CCSER1: variants seen among roughly 807,000 people sequenced by gnomAD.
CCSER1 encodes the protein coiled-coil serine rich protein 1.
CCSER1 carries 41 observed loss-of-function variants against 82.0 expected under a neutral mutation model. The ratio of observed to expected loss-of-function variants is 0.50; its 90% confidence interval spans 0.39 to 0.65. The LOEUF (loss-of-function observed/expected upper bound fraction) is 0.65. Ranked by LOEUF, CCSER1 falls within the 30% of genes least tolerant of loss-of-function variation. The probability of loss-of-function intolerance (pLI) is 0.00; values close to 1 mark genes in which losing one functional copy is unlikely to be tolerated. For synonymous variants in CCSER1, 414 were observed against 383.9 expected (o/e 1.08, Z -0.92); for missense variants, 1,119 against 1,064.2 (o/e 1.05, Z -0.72).
chr4:91,404,567 T>G (rs1429926087), intron 10 of CCSER1, among the ~76,000 whole-genome samples: 1 of 152,244 alleles, frequency 6.6e-6, no homozygotes, highest in East Asian at 1.9e-4. Flanking sequence ...CTGCTTTAAA[T>G]GTGTCCCAGA....
intron 5 of CCSER1, among the ~76,000 whole-genome samples, chr4:90,481,846 T>A (rs1028491484): frequency 3.9e-5 from 6 of 152,180 alleles, no homozygotes; most frequent in Non-Finnish European, 5.9e-5. Context: ...TTTTGTTGCA[T>A]CTCTGCCAGG....
chr4:91,474,697 C>T (rs979800703), intron 10 of CCSER1, among the ~76,000 whole-genome samples: 1 of 150,172 alleles, frequency 6.7e-6, no homozygotes, highest in Non-Finnish European at 1.5e-5. Flanking sequence ...CTTTTCTTCT[C>T]TCAGTCTTCT....
chr4:90,541,850 A>G (rs1302028132), intron 5 of CCSER1, among the ~76,000 whole-genome samples: 1 of 152,042 alleles, frequency 6.6e-6, no homozygotes, highest in African/African-American at 2.4e-5. Flanking sequence ...TACTGCCACA[A>G]ATTCTTTTCC....
At chr4:91,345,344 G>A (rs1747983636) in intron 10 of CCSER1, among the ~76,000 whole-genome samples, 1 of 152,038 alleles carries the variant, frequency 6.6e-6, no homozygotes, top group South Asian at 2.1e-4. Context: ...TCAAGATCCT[G>A]CCACTGCACT....
chr4:90,287,731 T>G (rs1172875552), intron 1 of CCSER1, among the ~76,000 whole-genome samples: 2 of 152,008 alleles, frequency 1.3e-5, no homozygotes, highest in Non-Finnish European at 2.9e-5. Context: ...AGAAATGAAT[T>G]TATTTTTAAA....
At chr4:91,078,218 G>A (rs1226261804) in intron 9 of CCSER1, among the ~76,000 whole-genome samples, 1 of 152,120 alleles carries the variant, frequency 6.6e-6, no homozygotes, top group African/African-American at 2.4e-5. Flanking sequence ...CACCTCATAA[G>A]GCTGGTTGCC....
intron 1 of CCSER1, among the ~76,000 whole-genome samples, chr4:90,202,796 T>A (rs1305620751): frequency 3.3e-5 from 5 of 152,240 alleles, no homozygotes; most frequent in Non-Finnish European, 5.9e-5. Flanking sequence ...TTCACTGAAA[T>A]TACTACCTTT....
At chr4:90,152,106 A>G (rs1726974695) in intron 1 of CCSER1, among the ~76,000 whole-genome samples, 1 of 152,178 alleles carries the variant, frequency 6.6e-6, no homozygotes, top group South Asian at 2.1e-4. Context: ...CTTAAACAAC[A>G]CAGGGGATTT....
intron 5 of CCSER1, among the ~76,000 whole-genome samples, chr4:90,506,405 T>C (rs1405495445): frequency 6.6e-6 from 1 of 152,232 alleles, no homozygotes; most frequent in African/African-American, 2.4e-5. Flanking sequence ...AGAACTCTTG[T>C]GGTTGGCTTG....
intron 6 of CCSER1, among the ~76,000 whole-genome samples, chr4:90,666,055 C>T (rs1731720764): frequency 6.6e-6 from 1 of 152,022 alleles, no homozygotes; most frequent in South Asian, 2.1e-4. Context: ...TCACATGCCC[C>T]CCTCAATCTT....
intron 5 of CCSER1, among the ~76,000 whole-genome samples, chr4:90,567,307 AT>A (rs34947960): frequency 2.1e-3 from 298 of 138,660 alleles, no homozygotes; most frequent in Middle Eastern, 3.7e-3. Flanking sequence ...TTGTCTCTGG[AT>A]TTTTTTTTTT....
chr4:91,317,289 A>G (rs1241667310), intron 10 of CCSER1, among the ~76,000 whole-genome samples: 2 of 151,938 alleles, frequency 1.3e-5, no homozygotes, highest in African/African-American at 4.8e-5. Flanking sequence ...CCTGTTTGCT[A>G]TTATTCCAAC....
chr4:90,253,248 A>G (rs1468841995), intron 1 of CCSER1, among the ~76,000 whole-genome samples: 1 of 152,108 alleles, frequency 6.6e-6, no homozygotes, highest in Non-Finnish European at 1.5e-5. Context: ...ATGGAAAGAA[A>G]TGTGCAATTG....
At chr4:90,433,338 C>G (rs1013459868) in intron 4 of CCSER1, among the ~76,000 whole-genome samples, 1 of 152,026 alleles carries the variant, frequency 6.6e-6, no homozygotes, top group Non-Finnish European at 1.5e-5. Flanking sequence ...ATTCTACAGG[C>G]TCTTGTAATA....
At chr4:91,202,910 TC>T (rs1736047774) in intron 10 of CCSER1, among the ~76,000 whole-genome samples, 1 of 150,650 alleles carries the variant, frequency 6.6e-6, no homozygotes, top group Non-Finnish European at 1.5e-5. Flanking sequence ...TTCTTTTTCA[TC>T]TTATTAATAT....
At chr4:91,175,922 T>A (rs1733288654) in intron 10 of CCSER1, among the ~76,000 whole-genome samples, 1 of 152,248 alleles carries the variant, frequency 6.6e-6, no homozygotes, top group South Asian at 2.1e-4. Context: ...TGAATGTTAT[T>A]GCCTAGGTTT....
intron 10 of CCSER1, among the ~76,000 whole-genome samples, chr4:91,115,585 C>G (rs1561560512): frequency 6.6e-6 from 1 of 151,706 alleles, no homozygotes; most frequent in Non-Finnish European, 1.5e-5. Flanking sequence ...TTGGTCAACT[C>G]TTTTTTTATA....
At chr4:91,561,683 A>G (rs1380755074) in intron 10 of CCSER1, among the ~76,000 whole-genome samples, 2 of 151,536 alleles carry the variant, frequency 1.3e-5, no homozygotes, top group African/African-American at 4.8e-5. Context: ...CCTGGAATTT[A>G]GTAGGAAATC....
intron 7 of CCSER1, among the ~76,000 whole-genome samples, chr4:90,802,680 C>T (rs1373175914): frequency 1.3e-5 from 2 of 152,100 alleles, no homozygotes; most frequent in Non-Finnish European, 2.9e-5. Flanking sequence ...AGAAGCAGTG[C>T]CTCCCATGGA....
Sources: gnomAD v4.1 joint callset for allele counts (sites outside exome capture counted in the v4.1 genomes callset) on GRCh38, gnomAD v4.1.1 for gene constraint, MANE v1.5 for transcripts, NCBI Gene and HGNC (gene_info 2026-07-23, HGNC 2026-07-21) for gene names.